DBNL: variants seen among roughly 807,000 people sequenced by gnomAD.
The protein encoded by DBNL is drebrin like.
In DBNL, 35 loss-of-function variants were observed where a neutral mutation model predicts 62.2. That is an observed-to-expected ratio of 0.56 (90% CI 0.43 to 0.75). The LOEUF (loss-of-function observed/expected upper bound fraction) is 0.75. Among genes scored for constraint, DBNL ranks in the 30% least tolerant of loss-of-function variants. The pLI is 0.00. For synonymous variants in DBNL, 197 were observed against 218.0 expected (o/e 0.90, Z 0.85); for missense variants, 495 against 578.4 (o/e 0.86, Z 1.48).
chr7:44,058,587 G>A lies in DBNL; in HGVS notation c.753+107G>A, dbSNP rs2096141488. On this transcript the variant is annotated intron_variant, in intron 8 of 12. Transcript: ENST00000448521. ...AGACCTGGGCAGAGGCTGCCCTGCAGTCAGCTGGGGCAGGTTGGAATCTGG... is the reference window on the plus strand; with the variant it reads ...AGACCTGGGCAGAGGCTGCCCTGCAATCAGCTGGGGCAGGTTGGAATCTGG... The A allele has an allele frequency of 2.1e-6, 3 of 1,438,494 alleles. No individual in the cohort carries two copies. In the East Asian group the frequency reaches 7.4e-5, roughly 35 times the overall value. 89.1% of individuals were successfully genotyped at this position (1,438,494 alleles called of 1,614,324 possible).
Position 44,069,163 on chromosome 7 carries a change from A to T in DBNL, c.*8247A>T, listed in dbSNP as rs2096164707. 1 of 152,284 alleles carries T rather than the reference A, an allele frequency of 6.6e-6. No individual in the cohort carries two copies. Among genetic ancestry groups the T allele is most frequent in the South Asian group, 2.1e-4 (1 of 4,836 alleles). 9.4% of individuals were successfully genotyped at this position (152,284 alleles called of 1,614,324 possible). On this transcript the variant is annotated 3_prime_UTR_variant, in exon 13 of 13. Coordinates refer to ENST00000448521, the MANE Select transcript of DBNL (RefSeq NM_001014436.3). ...ATGTTAAACCAAGTTCTTCAGACAG[A>T]AGAGATTACTGGGGGCAATTCAAAA...
intron 5 of DBNL, 27 bp from the exon 6 acceptor site, chr7:44,057,755 G>T: frequency 6.2e-7 from 1 of 1,613,904 alleles, no homozygotes; most frequent in South Asian, 1.1e-5. Context: ...CTGGGTCCAG[G>T]TCTCTAATGA....
intron 2 of DBNL, chr7:44,050,586 G>A (rs2096124919): frequency 9.8e-6 from 3 of 307,184 alleles, no homozygotes; most frequent in Non-Finnish European, 1.9e-5. Flanking sequence ...ACCAGTCCCA[G>A]AACTGGTGCT....
chr7:44,059,981 G>T lies in DBNL; in HGVS notation c.1048-67G>T. On this transcript the variant is annotated intron_variant, in intron 11 of 12. Transcript: ENST00000448521. This position sits in a 1 kb window ranked among gnomAD's most constrained non-coding sequence, Gnocchi z 4.1. Reference sequence around the variant, plus strand: ...GTACTCCCAGCTTGACCTGAGCCATGTGGGGCAGAGCAGCGATTGTGTGTA... The same window carrying T: ...GTACTCCCAGCTTGACCTGAGCCATTTGGGGCAGAGCAGCGATTGTGTGTA... 1 of 1,509,072 alleles carries T rather than the reference G, an allele frequency of 6.6e-7. No individual in the cohort carries two copies. The allele number at this position is 1,509,072 out of a possible 1,614,324, so 93.5% of individuals were successfully genotyped here.
Position 44,064,922 on chromosome 7 carries a change from C to T in DBNL, c.*4006C>T, listed in dbSNP as rs758149782. On this transcript the variant is annotated 3_prime_UTR_variant, in exon 13 of 13. Coordinates refer to ENST00000448521, the MANE Select transcript of DBNL (RefSeq NM_001014436.3). Reference sequence around the variant, plus strand: ...GCCTTGATCTGGGGAACAATCTCCTCGTTCCAGAAGGGCAGGGCCCGGGCA... The same window carrying T: ...GCCTTGATCTGGGGAACAATCTCCTTGTTCCAGAAGGGCAGGGCCCGGGCA... 9.9e-6 allele frequency: 16 copies of T among 1,611,030 alleles called. No homozygotes were observed. Among genetic ancestry groups the T allele is most frequent in the Admixed American group, 1.7e-5 (1 of 59,852 alleles).
In DBNL at chr7:44,064,797, A is replaced by AGCCCCCGGGCCTGAAGGGGGG; in HGVS notation, c.*3881_*3882insGCCCCCGGGCCTGAAGGGGGG. 1 of 633,308 alleles carries AGCCCCCGGGCCTGAAGGGGGG rather than the reference A, an allele frequency of 1.6e-6. No homozygotes were observed. Among genetic ancestry groups the AGCCCCCGGGCCTGAAGGGGGG allele is most frequent in the Non-Finnish European group, 2.8e-6 (1 of 361,386 alleles). The allele number at this position is 633,308 out of a possible 1,614,324, so 39.2% of individuals were successfully genotyped here. On this transcript the variant is annotated 3_prime_UTR_variant, in exon 13 of 13. Transcript: ENST00000448521. ...GAGAAGCCAGCTGGGGCTGCTGCCC[A>AGCCCCCGGGCCTGAAGGGGGG]CCCACCCTGCCCAGGCTCCTGAAGG...
chr7:44,059,524 G>C lies in DBNL; in HGVS notation c.932-19G>C. The C allele has an allele frequency of 6.2e-7, 1 of 1,613,508 alleles. No individual in the cohort carries two copies. The highest frequency in any genetic ancestry group is 2.2e-5 in the East Asian group (1 of 44,874). On this transcript the variant is annotated intron_variant, in intron 10 of 12. Coordinates refer to ENST00000448521, the MANE Select transcript of DBNL (RefSeq NM_001014436.3). The surrounding 1 kb of genome is among the most constrained non-coding windows in gnomAD (Gnocchi z 4.1). ...GGGGGATGTGTGGGAGTGAGAACCT[G>C]CTGTGTTCCCTGGTGCAGATCTCCC...
intron 8 of DBNL, 170 bp from the exon 9 acceptor site, chr7:44,058,732 T>A: frequency 2.3e-6 from 2 of 863,128 alleles, no homozygotes; most frequent in Non-Finnish European, 3.6e-6. Flanking sequence ...CTTCCTTTTT[T>A]AACGTTACTT....
rs996111464 is a variant in DBNL, at chr7:44,052,810, G to T, written c.253-57G>T. 1.9e-6 allele frequency: 3 copies of T among 1,603,002 alleles called. No individual in the cohort carries two copies. The Admixed American group carries it at 5.1e-5, about 27-fold the overall frequency. On this transcript the variant is annotated intron_variant, in intron 3 of 12. Coordinates refer to ENST00000448521, the MANE Select transcript of DBNL (RefSeq NM_001014436.3). Reference sequence around the variant, plus strand: ...CACAGGGTAGATGTTGGGTCCCCAGGGAAGGGAAGTGGCTTTGGGGGAGGC... The same window carrying T: ...CACAGGGTAGATGTTGGGTCCCCAGTGAAGGGAAGTGGCTTTGGGGGAGGC...
chr7:44,063,135 G>GAAAAAAAAAA lies in DBNL; in HGVS notation c.*2226_*2227insAAAAAAAAAA. 3 of 601,550 alleles carry GAAAAAAAAAA rather than the reference G, an allele frequency of 5.0e-6. No individual in the cohort carries two copies. The highest frequency in any genetic ancestry group is 2.5e-5 in the Admixed American group (1 of 39,258). The allele number at this position is 601,550 out of a possible 1,614,324, so 37.3% of individuals were successfully genotyped here. On this transcript the variant is annotated 3_prime_UTR_variant, in exon 13 of 13. Transcript: ENST00000448521. The stretch of plus-strand genomic sequence containing the variant: ...CAGCCTACAGAAATAGCCCAGTGGT[G>GAAAAAAAAAA]AAAAAAATGGGGACTTCAGCCCCAC...
chr7:44,048,608 A>G (rs1305274379), intron 1 of DBNL, among the ~76,000 whole-genome samples: 4 of 152,172 alleles, frequency 2.6e-5, no homozygotes, highest in Non-Finnish European at 5.9e-5. Flanking sequence ...GCCCTGGGGA[A>G]GCCAAGTTGA....
rs181587157 is a variant in DBNL, at chr7:44,051,449, T to C, written c.140-381T>C. Reference sequence around the variant, plus strand: ...TGCTATTCCGGGCCCTTTTGCAACGTTGTGGCAACAATAAAATTTTGACGT... The same window carrying C: ...TGCTATTCCGGGCCCTTTTGCAACGCTGTGGCAACAATAAAATTTTGACGT... On this transcript the variant is annotated intron_variant, in intron 2 of 12. Transcript: ENST00000448521. The C allele has an allele frequency of 7.2e-5, 14 of 193,248 alleles. No individual in the cohort carries two copies. The Admixed American group carries it at 7.7e-4, about 11-fold the overall frequency. 12.0% of individuals were successfully genotyped at this position (193,248 alleles called of 1,614,324 possible).
intron 2 of DBNL, chr7:44,050,807 TG>T (rs2096125353): frequency 1.3e-5 from 2 of 153,330 alleles, no homozygotes; most frequent in Admixed American, 6.5e-5. Flanking sequence ...GAGTGTGACC[TG>T]TGGGCCCCTC....
chr7:44,058,503 G>C (rs1342395126), intron 8 of DBNL, 23 bp downstream of exon 8: 1 of 1,613,324 alleles, frequency 6.2e-7, no homozygotes, highest in African/African-American at 1.3e-5. Flanking sequence ...TGCTCTACTT[G>C]TTTGGACCTG....
chr7:44,060,733 G>A lies in DBNL; in HGVS notation c.1154-44G>A, dbSNP rs201512670. On this transcript the variant is annotated intron_variant, in intron 12 of 12. Coordinates refer to ENST00000448521, the MANE Select transcript of DBNL (RefSeq NM_001014436.3). This position sits in a 1 kb window ranked among gnomAD's most constrained non-coding sequence, Gnocchi z 6.3. ...TGGGCTGCCCGAGCAGGTGGGATGT[G>A]GGAGGGAGCCCCTGATATGCATCTG... 42 of 1,599,664 alleles carry A rather than the reference G, an allele frequency of 2.6e-5. No individual in the cohort carries two copies. The Admixed American group carries it at 3.9e-4, about 15-fold the overall frequency.
At chr7:44,057,720 G>T in intron 5 of DBNL, 62 bp from the exon 6 acceptor site, 1 of 1,591,052 alleles carries the variant, frequency 6.3e-7, no homozygotes, top group Non-Finnish European at 8.6e-7. Context: ...TCTCTCCTTT[G>T]GTGCCTGTGG....
chr7:44,053,096 C>A, intron 4 of DBNL, 155 bp downstream of exon 4: 1 of 1,032,822 alleles, frequency 9.7e-7, no homozygotes, highest in South Asian at 1.5e-5. Flanking sequence ...TGACCAGAGG[C>A]TGCTTCACTC....
At position 44,061,024 on chromosome 7, in the gene DBNL, G is replaced by T; in HGVS notation, c.*108G>T. 1 of 1,436,090 alleles carries T rather than the reference G, an allele frequency of 7.0e-7. No homozygotes were observed. The highest frequency in any genetic ancestry group is 9.3e-7 in the Non-Finnish European group (1 of 1,079,050). The allele number at this position is 1,436,090 out of a possible 1,614,324, so 89.0% of individuals were successfully genotyped here. A position where few individuals can be genotyped will look rare whatever the true frequency, so the allele number is the denominator to read the frequency against. ...CACTCTTCCAGGAATAGGACCCCCA[G>T]TGAGGATGAGGCCTCAGGGCTCCCT... On this transcript the variant is annotated 3_prime_UTR_variant, in exon 13 of 13. Coordinates refer to ENST00000448521, the MANE Select transcript of DBNL (RefSeq NM_001014436.3).
intron 1 of DBNL, among the ~76,000 whole-genome samples, chr7:44,047,195 T>C (rs1001599944): frequency 5.9e-5 from 9 of 152,240 alleles, no homozygotes; most frequent in African/African-American, 2.2e-4. Flanking sequence ...CTTGTCACCT[T>C]TATCTCTTAC....
Sources: gnomAD v4.1 joint callset for allele counts (sites outside exome capture counted in the v4.1 genomes callset) on GRCh38, gnomAD v4.1.1 for gene constraint, Gnocchi (gnomAD v3.1) non-coding constraint, MANE v1.5 for transcripts, NCBI Gene and HGNC (gene_info 2026-07-23, HGNC 2026-07-21) for gene names.